IFT80: variants seen among roughly 807,000 people sequenced by gnomAD.
The protein encoded by IFT80 is intraflagellar transport 80.
A neutral mutation model predicts 107.9 loss-of-function variants in IFT80; 79 were observed. The observed-to-expected ratio is 0.73, with a 90% CI of 0.61 to 0.88. IFT80 has a LOEUF of 0.88. Ranked by LOEUF, IFT80 falls within the 40% of genes least tolerant of loss-of-function variation. The pLI is 0.00. For synonymous variants in IFT80, 299 were observed against 300.9 expected, an observed-to-expected ratio of 0.99 and a Z score of 0.07; for missense variants, 797 against 914.2, an observed-to-expected ratio of 0.87 and a Z score of 1.65.
chr3:160,354,868 C>G (rs900208383), intron 8 of IFT80, among the ~76,000 whole-genome samples: 3 of 152,088 alleles, frequency 2.0e-5, no homozygotes, highest in Admixed American at 2.0e-4. Context: ...AGGTTTCAAA[C>G]AGCTTTTAAA....
chr3:160,354,442 G>A (rs1488972960), intron 8 of IFT80, among the ~76,000 whole-genome samples: 4 of 152,050 alleles, frequency 2.6e-5, no homozygotes, highest in African/African-American at 9.7e-5. Context: ...TAGGTCAGGA[G>A]ATCGAGACCA....
chr3:160,285,479 A>G (rs1195103973), intron 13 of IFT80, among the ~76,000 whole-genome samples: 1 of 152,214 alleles, frequency 6.6e-6, no homozygotes, highest in Non-Finnish European at 1.5e-5. Flanking sequence ...TTAGAAACAC[A>G]AATACATTTT....
chr3:160,288,500 A>G (rs990066873), intron 12 of IFT80, among the ~76,000 whole-genome samples: 1 of 152,238 alleles, frequency 6.6e-6, no homozygotes, highest in African/African-American at 2.4e-5. Flanking sequence ...GAATCTAATT[A>G]AACTTAAGAC....
chr3:160,327,902 A>G (rs974717322), intron 8 of IFT80, among the ~76,000 whole-genome samples: 4 of 152,210 alleles, frequency 2.6e-5, no homozygotes, highest in Non-Finnish European at 5.9e-5. Flanking sequence ...TAAAGAGACA[A>G]CCTACAGAAT....
At chr3:160,360,827 C>T (rs1219872127) in intron 6 of IFT80, among the ~76,000 whole-genome samples, 1 of 152,118 alleles carries the variant, frequency 6.6e-6, no homozygotes, top group East Asian at 1.9e-4. Flanking sequence ...TTGTCACCAC[C>T]AGGCCTGCCT....
At chr3:160,275,784 A>G (rs60222090) in intron 18 of IFT80, among the ~76,000 whole-genome samples, 7,776 of 152,182 alleles carry the variant, frequency 0.051, 273 homozygotes, top group Middle Eastern at 0.082. Context: ...TTAGCTGGGT[A>G]ATGATACATA....
At chr3:160,278,957 G>C (rs563669449) in intron 16 of IFT80, among the ~76,000 whole-genome samples, 8 of 152,248 alleles carry the variant, frequency 5.3e-5, no homozygotes, top group Admixed American at 4.6e-4. Context: ...AACTTCCACA[G>C]AAGATTTTTA....
chr3:160,311,062 C>T (rs1315415662), intron 9 of IFT80, among the ~76,000 whole-genome samples: 2 of 152,020 alleles, frequency 1.3e-5, no homozygotes, highest in Non-Finnish European at 2.9e-5. Context: ...GAGGTCAAGA[C>T]TACTGTGAGC....
intron 6 of IFT80, among the ~76,000 whole-genome samples, 170 bp from the exon 7 acceptor site, chr3:160,357,748 A>C (rs1288208050): frequency 1.3e-5 from 2 of 152,112 alleles, no homozygotes; most frequent in Non-Finnish European, 2.9e-5. Flanking sequence ...TTTCATTTGT[A>C]ATTTATACTA....
intron 12 of IFT80, among the ~76,000 whole-genome samples, chr3:160,288,460 A>T (rs1031475521): frequency 2.0e-5 from 3 of 152,262 alleles, no homozygotes; most frequent in African/African-American, 7.2e-5. Flanking sequence ...TGCCAAAAGC[A>T]ATCGCAACAA....
chr3:160,375,444 TACTC>T (rs1240644061), intron 5 of IFT80, among the ~76,000 whole-genome samples: 8 of 152,300 alleles, frequency 5.3e-5, no homozygotes, highest in African/African-American at 1.9e-4. Context: ...AGTAAGGAGA[TACTC>T]AATATCTTTT....
At position 160,352,245 on chromosome 3, in the gene IFT80, C is replaced by T. The variant is rs181993689; in HGVS notation, c.777+3768G>A. 6.7e-3 allele frequency among the ~76,000 whole-genome samples: 1,020 copies of T among 152,226 alleles called. 3 individuals are homozygous for T. Among genetic ancestry groups the T allele is most frequent in the Middle Eastern group, 0.017 (5 of 294 alleles). On this transcript the variant is annotated intron_variant, in intron 8 of 19. Transcript: ENST00000326448. ...TCCTGACCTCGTGATCTGCCTGCCT[C>T]GGCCTCCCAAAGTGCTGGGATTACA...
At position 160,257,754 on chromosome 3, in the gene IFT80, C is replaced by G. The variant is rs1278056425; in HGVS notation, c.*771G>C. 1 of 152,108 alleles carries G rather than the reference C, an allele frequency of 6.6e-6. No individual in the cohort carries two copies. The highest frequency in any genetic ancestry group is 1.5e-5 in the Non-Finnish European group (1 of 68,048). 9.4% of individuals were successfully genotyped at this position (152,108 alleles called of 1,614,324 possible). ...ATGTACTCGTTAAACAATAACCCCA[C>G]CCCCCATTTCCTCCTCCCTGCAGTC... is the stretch of plus-strand genomic sequence containing the variant. On this transcript the variant is annotated 3_prime_UTR_variant, in exon 20 of 20. Transcript: ENST00000326448.
chr3:160,381,648 C>T lies in IFT80; in HGVS notation c.114G>A (p.Val38=). The change falls in exon 3 of 20, where the codon GTG becomes GTA. Residue 38 remains valine, a synonymous_variant. Coordinates refer to ENST00000326448, the MANE Select transcript of IFT80 (RefSeq NM_020800.3). ...LYSCSDDHQI[V]KWNLLTSETT... is the part of the protein sequence containing the mutation. ...TTTCACTGGTTAACAAGTTCCACTT[C>T]ACTATCTGGTGATCATCACTACATG... 1 of 1,612,548 alleles carries T rather than the reference C, an allele frequency of 6.2e-7. No homozygotes were observed. The highest frequency in any genetic ancestry group is 1.1e-5 in the South Asian group (1 of 91,006).
chr3:160,300,810 A>G, intron 12 of IFT80, 73 bp downstream of exon 12: 1 of 1,177,714 alleles, frequency 8.5e-7, no homozygotes, highest in Non-Finnish European at 1.2e-6. Context: ...AGAAAATGTA[A>G]GTTAATTTGT....
intron 12 of IFT80, among the ~76,000 whole-genome samples, chr3:160,289,163 T>C (rs2108246947): frequency 6.6e-6 from 1 of 152,332 alleles, no homozygotes; most frequent in East Asian, 1.9e-4. Flanking sequence ...TGTGGGAACG[T>C]TGATGGAGCT....
At position 160,389,900 on chromosome 3, in the gene IFT80, C is replaced by T. The variant is rs576313703; in HGVS notation, c.-46-5254G>A. 9.0e-4 allele frequency among the ~76,000 whole-genome samples: 137 copies of T among 152,214 alleles called. 1 individual carries two copies. The highest frequency in any genetic ancestry group is 1.6e-3 in the Non-Finnish European group (106 of 68,010). ...TTCTAGTTCTAGATCCCTGAGGAAT[C>T]GCCACACTGACTTCCACAAGGGTTG... On this transcript the variant is annotated intron_variant, in intron 1 of 19. Transcript: ENST00000326448.
At chr3:160,385,032 A>G (rs764228744) in intron 1 of IFT80, among the ~76,000 whole-genome samples, 2 of 152,202 alleles carry the variant, frequency 1.3e-5, no homozygotes, top group Non-Finnish European at 2.9e-5. Context: ...ATTGAGGGCT[A>G]AGCTACAATT....
At chr3:160,331,918 A>G (rs1038248652) in intron 8 of IFT80, among the ~76,000 whole-genome samples, 2 of 152,104 alleles carry the variant, frequency 1.3e-5, no homozygotes, top group African/African-American at 4.8e-5. Flanking sequence ...TGGCCTCCCA[A>G]AGTGCTGGGA....
Sources: gnomAD v4.1 joint callset for allele counts (sites outside exome capture counted in the v4.1 genomes callset) on GRCh38, gnomAD v4.1.1 for gene constraint, MANE v1.5 for transcripts, NCBI Gene and HGNC (gene_info 2026-07-23, HGNC 2026-07-21) for gene names.